The following SPX variants were observed in gnomAD, a reference collection of about 807,000 sequenced individuals.
The protein encoded by SPX is spexin hormone, also known as spexin.
A neutral mutation model predicts 19.2 loss-of-function variants in SPX; 22 were observed. That is an observed-to-expected ratio of 1.15 (90% CI 0.82 to 1.64). The LOEUF is 1.64. SPX is among the 40% of genes most tolerant of loss of function. The pLI, the probability that SPX is intolerant of heterozygous loss-of-function variation, is 0.00. For synonymous variants in SPX, 50 were observed against 53.3 expected, an observed-to-expected ratio of 0.94 and a Z score of 0.27; for missense variants, 143 against 137.7, an observed-to-expected ratio of 1.04 and a Z score of -0.19.
chr12:21,527,954 C>A, intron 4 of SPX, 165 bp downstream of exon 4: 1 of 638,366 alleles, frequency 1.6e-6, no homozygotes, highest in Non-Finnish European at 2.5e-6. Flanking sequence ...CCCGGGTTGG[C>A]AGCAGCAGCA....
chr12:21,526,782 A>T, intron 1 of SPX, 104 bp from the exon 2 acceptor site: 2 of 1,132,770 alleles, frequency 1.8e-6, no homozygotes, highest in Non-Finnish European at 2.6e-6. Context: ...AAAACAGAAT[A>T]TTGCGAGAAG....
At chr12:21,528,388 C>T (rs71448606) in intron 4 of SPX, among the ~76,000 whole-genome samples, 25,164 of 152,114 alleles carry the variant, frequency 0.17, 2,376 homozygotes, top group East Asian at 0.24. Context: ...CATGATAAAC[C>T]TTTCCATCGT....
At position 21,532,288 on chromosome 12, in the gene SPX, AT is replaced by A. The variant is rs1411086841; in HGVS notation, c.*1095del. ...TTGACAAATGTCATAAGTGGAAAGT[AT>A]TAATTCTTATTGTCATCAGTATTTA... On this transcript the variant is annotated 3_prime_UTR_variant, in exon 6 of 6. Coordinates refer to ENST00000256969, the MANE Select transcript of SPX (RefSeq NM_030572.4). 2 of 152,256 alleles carry A rather than the reference AT, an allele frequency of 1.3e-5. No homozygotes were observed. The highest frequency in any genetic ancestry group is 4.8e-5 in the African/African-American group (2 of 41,466). 9.4% of individuals were successfully genotyped at this position (152,256 alleles called of 1,614,324 possible). A position where few individuals can be genotyped will look rare whatever the true frequency, so the allele number is the denominator to read the frequency against.
intron 5 of SPX, 71 bp downstream of exon 5, chr12:21,529,155 G>A: frequency 7.2e-7 from 1 of 1,395,564 alleles, no homozygotes; most frequent in Non-Finnish European, 1.0e-6. Flanking sequence ...TCTGTGTTGA[G>A]TGCAACACCC....
intron 1 of SPX, 117 bp from the exon 2 acceptor site, chr12:21,526,769 A>G (rs1455529555): frequency 2.9e-6 from 3 of 1,043,344 alleles, no homozygotes; most frequent in Non-Finnish European, 4.3e-6. Context: ...AAAACTGAGT[A>G]TTAAAACAGA....
At chr12:21,527,246 A>G in intron 3 of SPX, 54 bp downstream of exon 3, 2 of 1,494,042 alleles carry the variant, frequency 1.3e-6, no homozygotes, top group Non-Finnish European at 1.9e-6. Context: ...CCTAGGAGTC[A>G]GGAACAGATA....
At position 21,532,169 on chromosome 12, in the gene SPX, C is replaced by T. The variant is rs1012651742; in HGVS notation, c.*974C>T. The T allele has an allele frequency of 2.6e-5, 4 of 152,184 alleles. No homozygotes were observed. The highest frequency in any genetic ancestry group is 5.9e-5 in the Non-Finnish European group (4 of 68,032). The allele number at this position is 152,184 out of a possible 1,614,324, so 9.4% of individuals were successfully genotyped here. A position where few individuals can be genotyped will look rare whatever the true frequency, so the allele number is the denominator to read the frequency against. On this transcript the variant is annotated 3_prime_UTR_variant, in exon 6 of 6. Transcript: ENST00000256969. ...ATGCACATATACCCACACACGCATA[C>T]ACACATACTCCTGTGGCAAACATAA...
At position 21,527,038 on chromosome 12, in the gene SPX, T is replaced by C. The variant is rs112168955; in HGVS notation, c.87+72T>C. ...GTCCACTCTGCTCTTTCTTTCTTCCTTCTTGTTTTATTCTCTTCTTTTTCC... is the reference window on the plus strand; with the variant it reads ...GTCCACTCTGCTCTTTCTTTCTTCCCTCTTGTTTTATTCTCTTCTTTTTCC... On this transcript the variant is annotated intron_variant, in intron 2 of 5. Coordinates refer to ENST00000256969, the MANE Select transcript of SPX (RefSeq NM_030572.4). 1.6e-5 allele frequency: 26 copies of C among 1,587,498 alleles called. No individual in the cohort carries two copies. The African/African-American group carries it at 2.7e-4, about 16-fold the overall frequency.
intron 2 of SPX, 74 bp from the exon 3 acceptor site, chr12:21,527,061 T>A: frequency 6.3e-7 from 1 of 1,586,406 alleles, no homozygotes; most frequent in Admixed American, 1.7e-5. Context: ...CTCTTCTTTT[T>A]CCTTTATTTT....
At chr12:21,527,225 A>G in intron 3 of SPX, 33 bp downstream of exon 3, 1 of 1,574,454 alleles carries the variant, frequency 6.4e-7, no homozygotes, top group Non-Finnish European at 8.7e-7. Flanking sequence ...TTCCTACAAT[A>G]ATGGAAGACC....
intron 2 of SPX, 56 bp downstream of exon 2, chr12:21,527,022 G>A: frequency 6.3e-7 from 1 of 1,586,720 alleles, no homozygotes; most frequent in Non-Finnish European, 8.7e-7. Flanking sequence ...TGTCCACTCT[G>A]CTCTTTCTTT....
chr12:21,526,621 G>T, intron 1 of SPX, 143 bp downstream of exon 1: 1 of 871,750 alleles, frequency 1.1e-6, no homozygotes. Flanking sequence ...AGAATCATTT[G>T]ATTTTACTAA....
At position 21,532,144 on chromosome 12, in the gene SPX, A is replaced by G. The variant is rs972963688; in HGVS notation, c.*949A>G. ...TTCAGTACCATCTGAATACACACAC[A>G]TGCACATATACCCACACACGCATAC... On this transcript the variant is annotated 3_prime_UTR_variant, in exon 6 of 6. Transcript: ENST00000256969. 1 of 152,220 alleles carries G rather than the reference A, an allele frequency of 6.6e-6. No individual in the cohort carries two copies. The highest frequency in any genetic ancestry group is 1.5e-5 in the Non-Finnish European group (1 of 68,030). The allele number at this position is 152,220 out of a possible 1,614,324, so 9.4% of individuals were successfully genotyped here.
At chr12:21,528,877 C>T (rs1336876824) in intron 4 of SPX, 124 bp from the exon 5 acceptor site, 1 of 827,764 alleles carries the variant, frequency 1.2e-6, no homozygotes, top group Non-Finnish European at 2.0e-6. Flanking sequence ...GTAAGTAGTC[C>T]TTTGTTGAGG....
At chr12:21,527,561 G>A in intron 3 of SPX, 166 bp from the exon 4 acceptor site, 1 of 703,786 alleles carries the variant, frequency 1.4e-6, no homozygotes, top group Non-Finnish European at 2.4e-6. Context: ...TCAGCCCGGG[G>A]TTGCGCTGGG....
At position 21,526,795 on chromosome 12, in the gene SPX, AGGG is replaced by A. The variant is rs1311283330; in HGVS notation, c.7-88_7-86del. The A allele has an allele frequency of 1.7e-5, 21 of 1,223,210 alleles. No individual in the cohort carries two copies. The South Asian group carries it at 2.6e-4, about 15-fold the overall frequency. The allele number at this position is 1,223,210 out of a possible 1,614,324, so 75.8% of individuals were successfully genotyped here. ...TTAAAACAGAATATTGCGAGAAGTAAGGGGGTTTATAATTGTCCAGGCGTCAAG... is the reference window on the plus strand; with the variant it reads ...TTAAAACAGAATATTGCGAGAAGTAAGGTTTATAATTGTCCAGGCGTCAAG... On this transcript the variant is annotated intron_variant, in intron 1 of 5. Coordinates refer to ENST00000256969, the MANE Select transcript of SPX (RefSeq NM_030572.4).
At position 21,527,448 on chromosome 12, in the gene SPX, G is replaced by C. The variant is rs1321348792; in HGVS notation, c.145+256G>C. On this transcript the variant is annotated intron_variant, in intron 3 of 5. Transcript: ENST00000256969. The stretch of plus-strand genomic sequence containing the variant: ...TTCTCTTGGTCCAAATGGGGACTCG[G>C]GTTGCCTGGGAAATATCTCAGTAAC... 1.3e-5 allele frequency: 8 copies of C among 596,744 alleles called. No homozygotes were observed. In the Admixed American group the frequency reaches 2.4e-4, roughly 18 times the overall value. The allele number at this position is 596,744 out of a possible 1,614,324, so 37.0% of individuals were successfully genotyped here. A position where few individuals can be genotyped will look rare whatever the true frequency, so the allele number is the denominator to read the frequency against.
chr12:21,527,753 A>G lies in SPX; in HGVS notation c.172A>G (p.Ser58Gly). 2 of 1,571,488 alleles carry G rather than the reference A, an allele frequency of 1.3e-6. No homozygotes were observed. Among genetic ancestry groups the G allele is most frequent in the Non-Finnish European group, 1.7e-6 (2 of 1,157,988 alleles). ...GGGTCGCCGCTTCATCTCCGACCAG[A>G]GCCGGAGAAAGGACCTCTCCGACCG... is the stretch of plus-strand genomic sequence containing the variant. ...AQGRRFISDQSRRKDLSDRPL... is the reference protein window; with the variant it reads ...AQGRRFISDQGRRKDLSDRPL... Residue 58 changes from serine to glycine, a missense_variant, in exon 4 of 6, where the codon AGC (serine) becomes GGC (glycine). Ser to Gly is a moderately conservative substitution (Grantham distance 56). Transcript: ENST00000256969.
chr12:21,528,344 G>A (rs1385456033), intron 4 of SPX, among the ~76,000 whole-genome samples: 1 of 152,184 alleles, frequency 6.6e-6, no homozygotes, highest in Non-Finnish European at 1.5e-5. Flanking sequence ...TAACATGCGG[G>A]CAGTTAAGGA....
Sources: allele counts gnomAD v4.1 joint callset (sites outside exome capture counted in the v4.1 genomes callset), GRCh38; gene constraint gnomAD v4.1.1; transcripts MANE v1.5; gene names NCBI Gene and HGNC (gene_info 2026-07-23, HGNC 2026-07-21).